Variants in SRRM3 observed in about 807,000 individuals in gnomAD.
The protein encoded by SRRM3 is serine/arginine repetitive matrix 3.
A neutral mutation model predicts 66.2 loss-of-function variants in SRRM3; 27 were observed. The ratio of observed to expected loss-of-function variants is 0.41; its 90% CI spans 0.30 to 0.56. SRRM3 has a LOEUF of 0.56. SRRM3 is among the 20% of genes least tolerant of loss of function. The probability of loss-of-function intolerance (pLI) is 0.32; values close to 1 mark genes in which losing one functional copy is unlikely to be tolerated. For missense variants in SRRM3, 918 were observed against 991.9 expected (o/e 0.93, Z 1.00); for synonymous variants, 391 against 414.9 (o/e 0.94, Z 0.70).
At chr7:76,282,908 C>T (rs1554612209) in intron 13 of SRRM3, 36 bp downstream of exon 13, 2 of 1,309,646 alleles carry the variant, frequency 1.5e-6, no homozygotes, top group East Asian at 3.2e-5. Flanking sequence ...ACGGGGCGGG[C>T]GGCGGGGTGG....
intron 1 of SRRM3, among the ~76,000 whole-genome samples, chr7:76,231,718 G>A (rs527724294): frequency 3.9e-5 from 6 of 152,322 alleles, no homozygotes; most frequent in East Asian, 3.9e-4. Flanking sequence ...ACTGAATCTC[G>A]GTATCTAAAT....
intron 11 of SRRM3, among the ~76,000 whole-genome samples, 167 bp from the exon 12 acceptor site, chr7:76,281,274 C>G (rs1327859255): frequency 6.6e-6 from 1 of 151,344 alleles, no homozygotes; most frequent in East Asian, 2.0e-4. Flanking sequence ...CTCTCTCTCT[C>G]TCCTCTCTTT....
intron 3 of SRRM3, among the ~76,000 whole-genome samples, chr7:76,254,578 A>G (rs367901570): frequency 9.4e-4 from 143 of 152,258 alleles, no homozygotes; most frequent in African/African-American, 3.2e-3. Context: ...TCAGCCTCCC[A>G]AAGTGCTGGG....
chr7:76,254,213 G>T (rs1424725588), intron 3 of SRRM3, among the ~76,000 whole-genome samples: 3 of 151,526 alleles, frequency 2.0e-5, no homozygotes, highest in African/African-American at 4.9e-5. Context: ...ACAGACGGGG[G>T]TCTTGCTTTC....
rs199520162 is a variant in SRRM3, at chr7:76,214,587, G to C, written c.-40+12520G>C. ...TGGGAGTGTGCAGGTGGCAGGCAGT[G>C]GCAGTTCCAAGGCCACCAGGACCGC... On this transcript the variant is annotated intron_variant, in intron 1 of 14. Coordinates refer to ENST00000611745, the MANE Select transcript of SRRM3 (RefSeq NM_001110199.3). Among the ~76,000 whole-genome samples, 13 of 152,100 alleles carry C rather than the reference G, an allele frequency of 8.5e-5. No homozygotes were observed. In the East Asian group the frequency reaches 1.2e-3, roughly 14 times the overall value.
At chr7:76,215,132 A>T (rs1800527267) in intron 1 of SRRM3, among the ~76,000 whole-genome samples, 1 of 151,904 alleles carries the variant, frequency 6.6e-6, no homozygotes, top group African/African-American at 2.4e-5. Context: ...TCAGATTTGC[A>T]TTATTTAGTC....
chr7:76,221,653 C>T (rs981880263), intron 1 of SRRM3, among the ~76,000 whole-genome samples: 28 of 152,190 alleles, frequency 1.8e-4, no homozygotes, highest in African/African-American at 6.3e-4. Context: ...TGAGCCACCG[C>T]GCCCCGCACC....
At position 76,267,267 on chromosome 7, in the gene SRRM3, C is replaced by G; in HGVS notation, c.840C>G (p.Pro280=). The change falls in exon 11 of 15, where the codon CCC becomes CCG. Residue 280 remains proline (P), a synonymous_variant. Coordinates refer to ENST00000611745, the MANE Select transcript of SRRM3 (RefSeq NM_001110199.3). ...TGGCGCCTAACCCCAGGCTGAGCCC[C>G]AAGCACCGAGACGAAGGGCGAAAGA... ...SDSRSPSRLS[P]KHRDEGRKTG... 16 of 1,551,760 alleles carry G rather than the reference C, an allele frequency of 1.0e-5. No homozygotes were observed. Among genetic ancestry groups the G allele is most frequent in the Non-Finnish European group, 1.4e-5 (16 of 1,155,526 alleles).
chr7:76,273,399 A>G (rs1802259906), intron 11 of SRRM3: 1 of 152,146 alleles, frequency 6.6e-6, no homozygotes, highest in Admixed American at 6.5e-5. Flanking sequence ...GAGAAAAAAA[A>G]AAGAGCAAAC....
chr7:76,243,119 G>A (rs1355109508), intron 2 of SRRM3, among the ~76,000 whole-genome samples: 2 of 152,118 alleles, frequency 1.3e-5, no homozygotes, highest in Non-Finnish European at 2.9e-5. Context: ...AGATTGGGAG[G>A]GGACTAATAT....
intron 3 of SRRM3, among the ~76,000 whole-genome samples, chr7:76,252,673 C>G (rs1801607589): frequency 6.6e-6 from 1 of 152,114 alleles, no homozygotes; most frequent in South Asian, 2.1e-4. Flanking sequence ...AGGCTGCTCT[C>G]AAACTCCCAG....
chr7:76,243,092 G>A (rs1205024538), intron 2 of SRRM3, among the ~76,000 whole-genome samples: 4 of 152,138 alleles, frequency 2.6e-5, no homozygotes, highest in African/African-American at 9.7e-5. Context: ...CAACACTGAG[G>A]ATCACATTTC....
intron 11 of SRRM3, among the ~76,000 whole-genome samples, chr7:76,278,007 C>T (rs1554611380): frequency 6.6e-6 from 1 of 152,210 alleles, no homozygotes; most frequent in Non-Finnish European, 1.5e-5. Flanking sequence ...GGGTATAGGA[C>T]AGAAACTGCA....
At chr7:76,211,197 C>T (rs2116937135) in intron 1 of SRRM3, among the ~76,000 whole-genome samples, 1 of 152,290 alleles carries the variant, frequency 6.6e-6, no homozygotes, top group East Asian at 1.9e-4. Flanking sequence ...ACTCCCTGAC[C>T]TGGTTGACTT....
chr7:76,281,270 C>G (rs1392150029), intron 11 of SRRM3, among the ~76,000 whole-genome samples, 171 bp from the exon 12 acceptor site: 9 of 151,344 alleles, frequency 5.9e-5, no homozygotes, highest in East Asian at 1.9e-4. Context: ...CTGTCTCTCT[C>G]TCTCTCCTCT....
chr7:76,235,291 G>A lies in SRRM3; in HGVS notation c.225G>A (p.Glu75=). The A allele has an allele frequency of 6.6e-7, 1 of 1,518,582 alleles. No individual in the cohort carries two copies. The allele number at this position is 1,518,582 out of a possible 1,614,324, so 94.1% of individuals were successfully genotyped here. ...LKCMELQEMM[E]EQGYSEEEIR... ...GCATGGAGCTGCAGGAGATGATGGA[G>A]GAGCAGGGGTGAGCAGGCCGCGGGG... Residue 75 remains glutamate, a synonymous_variant, in exon 2 of 15, where the codon GAG becomes GAA. Transcript: ENST00000611745.
At chr7:76,235,359 G>A in intron 2 of SRRM3, 60 bp downstream of exon 2, 1 of 1,377,880 alleles carries the variant, frequency 7.3e-7, no homozygotes, top group Non-Finnish European at 9.6e-7. Flanking sequence ...GGTGGGAGAA[G>A]CGAGTGATGC....
rs145478762 is a variant in SRRM3, at chr7:76,262,030, A to G, written c.674+449A>G. ...CTCGGGGACAGGTGCTAGCCTCCCA[A>G]CAGGTTTGACTGCCAGGTTATGGAG... On this transcript the variant is annotated intron_variant, in intron 8 of 14. Coordinates refer to ENST00000611745, the MANE Select transcript of SRRM3 (RefSeq NM_001110199.3). 1.7e-3 allele frequency among the ~76,000 whole-genome samples: 259 copies of G among 151,946 alleles called. 2 individuals are homozygous for G. The highest frequency in any genetic ancestry group is 2.2e-3 in the Non-Finnish European group (149 of 67,946).
At chr7:76,228,309 T>G (rs1033334404) in intron 1 of SRRM3, among the ~76,000 whole-genome samples, 19 of 152,232 alleles carry the variant, frequency 1.2e-4, no homozygotes, top group Admixed American at 1.2e-3. Flanking sequence ...GCAGATTGGC[T>G]AGGGCCTTGC....
Sources: gnomAD v4.1 joint callset for allele counts (sites outside exome capture counted in the v4.1 genomes callset) on GRCh38, gnomAD v4.1.1 for gene constraint, MANE v1.5 for transcripts, NCBI Gene and HGNC (gene_info 2026-07-23, HGNC 2026-07-21) for gene names.